Variants in CACNA1C observed in about 807,000 individuals in gnomAD.
CACNA1C encodes the protein voltage-dependent L-type calcium channel subunit alpha-1C.
CACNA1C carries 30 observed loss-of-function variants against 229.0 expected under a neutral mutation model. That is an observed-to-expected ratio of 0.13 (90% confidence interval 0.10 to 0.18). The LOEUF (loss-of-function observed/expected upper bound fraction) is 0.18. Among genes scored for constraint, CACNA1C ranks in the 10% least tolerant of loss-of-function variants. The probability of loss-of-function intolerance (pLI) is 1.00; values close to 1 mark genes in which losing one functional copy is unlikely to be tolerated. For missense variants in CACNA1C, 1,658 were observed against 2,845.0 expected, an observed-to-expected ratio of 0.58 and a Z score of 9.49; for synonymous variants, 1,114 against 1,132.5, an observed-to-expected ratio of 0.98 and a Z score of 0.33.
intron 5 of CACNA1C, among the ~76,000 whole-genome samples, chr12:2,462,366 G>A (rs571939645): frequency 8.7e-5 from 13 of 150,044 alleles, no homozygotes; most frequent in South Asian, 4.2e-4. Context: ...ACAGGCCTGC[G>A]TACCTCCTCG....
Position 2,233,483 on chromosome 12 carries a change from C to G in CACNA1C, c.477+113053C>G, listed in dbSNP as rs539727564. ...GGAGACATTACTCCTTTTCTTGGTT[C>G]TGTATATTATCAGAACTCATCTCAG... is the stretch of plus-strand genomic sequence containing the variant. On this transcript the variant is annotated intron_variant, in intron 3 of 46. Transcript: ENST00000399655. Among the ~76,000 whole-genome samples the G allele has an allele frequency of 5.9e-5, 9 of 152,206 alleles. No homozygotes were observed. The South Asian group carries it at 1.9e-3, about 32-fold the overall frequency.
intron 5 of CACNA1C, among the ~76,000 whole-genome samples, chr12:2,472,139 C>T (rs767260069): frequency 2.6e-5 from 4 of 152,154 alleles, no homozygotes; most frequent in Non-Finnish European, 5.9e-5. Context: ...CTCAGATACA[C>T]TCATAAATGA....
At chr12:2,532,704 CCT>C (rs1192960919) in intron 9 of CACNA1C, among the ~76,000 whole-genome samples, 2 of 152,192 alleles carry the variant, frequency 1.3e-5, no homozygotes, top group East Asian at 3.9e-4. Context: ...CAAATCAGAA[CCT>C]CTGTGTCCTT....
At chr12:1,998,832 T>C (rs1168318984) in intron 1 of CACNA1C, among the ~76,000 whole-genome samples, 1 of 152,234 alleles carries the variant, frequency 6.6e-6, no homozygotes, top group East Asian at 1.9e-4. Context: ...GCAATTTACA[T>C]GGTTTAATTT....
At chr12:2,000,471 A>T (rs1011254050) in intron 1 of CACNA1C, among the ~76,000 whole-genome samples, 6 of 108,002 alleles carry the variant, frequency 5.6e-5, no homozygotes, top group East Asian at 2.0e-4. Context: ...TTTCTTAATT[A>T]AAAAAAAAAA....
intron 6 of CACNA1C, among the ~76,000 whole-genome samples, chr12:2,489,047 C>T (rs575306207): frequency 8.5e-5 from 13 of 152,134 alleles, no homozygotes; most frequent in Non-Finnish European, 1.6e-4. Flanking sequence ...TGAAACCAAC[C>T]CCTGAGTGTT....
At chr12:2,477,476 G>A (rs1280447114) in intron 5 of CACNA1C, among the ~76,000 whole-genome samples, 3 of 152,106 alleles carry the variant, frequency 2.0e-5, no homozygotes, top group South Asian at 2.1e-4. Context: ...TCTTATCTGC[G>A]AGTCATCCTA....
At chr12:2,277,063 G>A (rs2088588099) in intron 3 of CACNA1C, among the ~76,000 whole-genome samples, 1 of 152,106 alleles carries the variant, frequency 6.6e-6, no homozygotes, top group Admixed American at 6.5e-5. Context: ...CAGGAACTAT[G>A]TCCTCAACTA....
intron 29 of CACNA1C, among the ~76,000 whole-genome samples, 155 bp from the exon 30 acceptor site, chr12:2,634,142 C>T (rs146531074): frequency 1.3e-4 from 19 of 151,648 alleles, no homozygotes; most frequent in Admixed American, 1.1e-3. Context: ...AATATGCCCA[C>T]GTAACCTCTT....
chr12:2,330,165 TCA>T (rs1173711006), intron 3 of CACNA1C, among the ~76,000 whole-genome samples: 1 of 152,150 alleles, frequency 6.6e-6, no homozygotes, highest in African/African-American at 2.4e-5. Context: ...TCCCGCCCTC[TCA>T]CCTTCCCTCC....
Position 2,319,579 on chromosome 12 carries a change from A to T in CACNA1C, c.478-129397A>T, listed in dbSNP as rs1287754358. On this transcript the variant is annotated intron_variant, in intron 3 of 46. Transcript: ENST00000399655. This position sits in a 1 kb window ranked among gnomAD's most constrained non-coding sequence, Gnocchi z 4.0. ...AGGGGCATTGCCGGGTGAGCCTGAG[A>T]TAAGGGTGTAGCTCTGCTCATTTCT... 6.6e-6 allele frequency among the ~76,000 whole-genome samples: 1 copy of T among 152,116 alleles called. No homozygotes were observed. Among genetic ancestry groups the T allele is most frequent in the Non-Finnish European group, 1.5e-5 (1 of 68,008 alleles).
chr12:2,292,818 T>G (rs1358951136), intron 3 of CACNA1C, among the ~76,000 whole-genome samples: 1 of 152,234 alleles, frequency 6.6e-6, no homozygotes, highest in Non-Finnish European at 1.5e-5. Flanking sequence ...CTGTAGTGTC[T>G]CTTCCTGCCT....
intron 33 of CACNA1C, 78 bp from the exon 34 acceptor site, chr12:2,655,069 A>G: frequency 2.3e-6 from 2 of 858,462 alleles, no homozygotes; most frequent in South Asian, 2.8e-5. Context: ...ACCCCTGAAG[A>G]GACCATTGAA....
At chr12:2,534,754 A>G (rs1464349374) in intron 9 of CACNA1C, among the ~76,000 whole-genome samples, 3 of 152,238 alleles carry the variant, frequency 2.0e-5, no homozygotes, top group African/African-American at 4.8e-5. Context: ...AGTGCCCTCT[A>G]AAACTACTCT....
intron 3 of CACNA1C, among the ~76,000 whole-genome samples, chr12:2,204,067 A>G (rs2097681403): frequency 6.6e-6 from 1 of 152,220 alleles, no homozygotes; most frequent in Non-Finnish European, 1.5e-5. Context: ...CAGTCCCACC[A>G]ACAGTGTAAA....
chr12:2,485,925 A>G (rs2154570539), intron 5 of CACNA1C, among the ~76,000 whole-genome samples, 179 bp from the exon 6 acceptor site: 1 of 152,306 alleles, frequency 6.6e-6, no homozygotes, highest in East Asian at 1.9e-4. Context: ...AGTGAGGCCA[A>G]CCTGGATTTA....
upstream of CACNA1C, among the ~76,000 whole-genome samples, chr12:2,052,109 G>T (rs2052374041): frequency 6.6e-6 from 1 of 152,216 alleles, no homozygotes; most frequent in Non-Finnish European, 1.5e-5. Flanking sequence ...ATGGAGGGAA[G>T]TGTTTGCTTC....
chr12:2,673,638 A>G (rs2096658994), intron 38 of CACNA1C, among the ~76,000 whole-genome samples: 1 of 152,026 alleles, frequency 6.6e-6, no homozygotes, highest in Admixed American at 6.5e-5. Context: ...CATTTGTTGC[A>G]ATTGTAGGCC....
At chr12:2,100,473 A>C (rs1160034533) in intron 1 of CACNA1C, among the ~76,000 whole-genome samples, 8 of 67,846 alleles carry the variant, frequency 1.2e-4, no homozygotes, top group Middle Eastern at 6.9e-3. Context: ...TCTCAAAAAA[A>C]AAAAAACAAA....
Sources: allele counts gnomAD v4.1 joint callset (sites outside exome capture counted in the v4.1 genomes callset), GRCh38; gene constraint gnomAD v4.1.1; non-coding constraint Gnocchi (gnomAD v3.1); transcripts MANE v1.5; gene names NCBI Gene and HGNC (gene_info 2026-07-23, HGNC 2026-07-21).